Variants in SH3GLB2 observed in about 807,000 individuals in gnomAD.
SH3GLB2 encodes the protein endophilin-B2.
SH3GLB2 carries 24 observed loss-of-function variants against 48.0 expected under a neutral mutation model. The ratio of observed to expected loss-of-function variants is 0.50; its 90% CI spans 0.36 to 0.70. The LOEUF is 0.70. SH3GLB2 is among the 30% of genes least tolerant of loss of function. SH3GLB2 has a pLI of 0.00. For missense variants in SH3GLB2, 425 were observed against 516.0 expected (o/e 0.82, Z 1.71); for synonymous variants, 227 against 207.6 (o/e 1.09, Z -0.80).
intron 1 of SH3GLB2, 48 bp from the exon 2 acceptor site, chr9:129,022,471 G>T: frequency 5.3e-6 from 8 of 1,522,490 alleles, no homozygotes; most frequent in Non-Finnish European, 7.2e-6. Flanking sequence ...GAGCTCAGAA[G>T]GAGGTGGGGG....
chr9:129,009,152 T>C lies in SH3GLB2; in HGVS notation c.1034A>G (p.Asp345Gly). ...CTCACTGCTGTCGGCTGCCTCGTAG[T>C]CATAGAGCACCCGAGCTTTGCGGGT... ...SGTRKARVLY[D>G]YEAADSSELA... The change falls in exon 10 of 11, where the codon GAC becomes GGC. Residue 345 changes from aspartate to glycine, a missense_variant. Physicochemically the swap from Asp to Gly is moderately conservative, Grantham distance 94. Transcript: ENST00000372564. 6.2e-7 allele frequency: 1 copy of C among 1,611,608 alleles called. No individual in the cohort carries two copies. The highest frequency in any genetic ancestry group is 8.5e-7 in the Non-Finnish European group (1 of 1,179,762).
At chr9:129,010,562 A>T in intron 7 of SH3GLB2, 108 bp downstream of exon 7, 1 of 1,290,748 alleles carries the variant, frequency 7.7e-7, no homozygotes, top group Non-Finnish European at 1.1e-6. Flanking sequence ...ACCCCTCCCC[A>T]GTGGGTGTGG....
At chr9:129,013,956 C>T (rs77238870) in intron 5 of SH3GLB2, 7 of 455,936 alleles carry the variant, frequency 1.5e-5, no homozygotes, top group African/African-American at 1.4e-4. Context: ...TCGGACACGG[C>T]CCTGAGCAAG....
intron 3 of SH3GLB2, among the ~76,000 whole-genome samples, chr9:129,020,857 G>A (rs575626687): frequency 1.1e-3 from 163 of 148,316 alleles, no homozygotes; most frequent in Admixed American, 3.6e-3. Context: ...GCGACAGAGC[G>A]AGACTCCATC....
intron 5 of SH3GLB2, chr9:129,013,906 C>T: frequency 7.8e-6 from 3 of 386,168 alleles, no homozygotes; most frequent in Non-Finnish European, 1.6e-5. Flanking sequence ...GTGAAGGGGG[C>T]GCCAGATGGC....
At chr9:129,025,222 G>C (rs1844076348) in intron 1 of SH3GLB2, among the ~76,000 whole-genome samples, 1 of 144,548 alleles carries the variant, frequency 6.9e-6, no homozygotes, top group Non-Finnish European at 1.5e-5. Context: ...GCTGCAGTGA[G>C]CTGAGACTGC....
At chr9:129,026,558 G>A (rs1007272562) in intron 1 of SH3GLB2, among the ~76,000 whole-genome samples, 3 of 142,386 alleles carry the variant, frequency 2.1e-5, no homozygotes, top group African/African-American at 2.5e-5. Flanking sequence ...CTCCCACCCC[G>A]AGGCTGGGGC....
At chr9:129,023,988 C>T (rs1278898317) in intron 1 of SH3GLB2, among the ~76,000 whole-genome samples, 2 of 152,168 alleles carry the variant, frequency 1.3e-5, no homozygotes, top group Non-Finnish European at 2.9e-5. Context: ...AACCAAGGCT[C>T]GAAGAGGCAA....
In SH3GLB2 at chr9:129,008,375, C is replaced by G. The variant is rs1055643607; in HGVS notation, c.*309G>C. The G allele has an allele frequency of 1.2e-5, 4 of 343,216 alleles. No homozygotes were observed. The highest frequency in any genetic ancestry group is 1.7e-5 in the Non-Finnish European group (3 of 177,286). 21.3% of individuals were successfully genotyped at this position (343,216 alleles called of 1,614,324 possible). ...TGAGCCCATCTGCGGCGGCCCCACC[C>G]TGGCCTAGGTGCTGAGTGCAGCTGC... On this transcript the variant is annotated 3_prime_UTR_variant, in exon 11 of 11. Transcript: ENST00000372564.
At position 129,021,224 on chromosome 9, in the gene SH3GLB2, G is replaced by A; in HGVS notation, c.206-5C>T. The A allele has an allele frequency of 6.3e-7, 1 of 1,599,492 alleles. No homozygotes were observed. ...GGAACTCCTCCACTCGGGCACCTGTGGGGAGACAGCAGCCAAAGCCACAGG... is the reference window on the plus strand; with the variant it reads ...GGAACTCCTCCACTCGGGCACCTGTAGGGAGACAGCAGCCAAAGCCACAGG... On this transcript the variant is annotated splice_polypyrimidine_tract_variant and splice_region_variant and intron_variant, in intron 2 of 10. Transcript: ENST00000372564.
intron 5 of SH3GLB2, chr9:129,012,872 G>T: frequency 8.8e-7 from 1 of 1,140,448 alleles, no homozygotes; most frequent in Non-Finnish European, 1.3e-6. Flanking sequence ...CAGAGGCCCT[G>T]CACAGTAGAG....
At chr9:129,024,302 C>CT (rs1438876204) in intron 1 of SH3GLB2, among the ~76,000 whole-genome samples, 6 of 150,408 alleles carry the variant, frequency 4.0e-5, no homozygotes, top group African/African-American at 1.5e-4. Context: ...TGGCTTATGC[C>CT]TATAATCCCA....
chr9:129,009,576 C>G lies in SH3GLB2; in HGVS notation c.839+195G>C, dbSNP rs867501838. On this transcript the variant is annotated intron_variant, in intron 9 of 10. Transcript: ENST00000372564. ...ATTCCCTAGAAACCCTCAGGGGCTC[C>G]AGGGGACTTGGCCGTCAGTAAGGCC... 28 of 1,535,538 alleles carry G rather than the reference C, an allele frequency of 1.8e-5. No homozygotes were observed. In the African/African-American group the frequency reaches 2.6e-4, roughly 14 times the overall value.
rs1843056788 is a variant in SH3GLB2 at position 129,010,601 on chromosome 9, C to T, written c.648+69G>A. 1.9e-6 allele frequency: 3 copies of T among 1,567,222 alleles called. No individual in the cohort carries two copies. The African/African-American group carries it at 4.1e-5, about 21-fold the overall frequency. Reference sequence around the variant, plus strand: ...AGAGTGAGAAACAGATCAGACCCCACAGCAGCAAGTGTGCCTGCACCCCGC... The same window carrying T: ...AGAGTGAGAAACAGATCAGACCCCATAGCAGCAAGTGTGCCTGCACCCCGC... On this transcript the variant is annotated intron_variant, in intron 7 of 10. Transcript: ENST00000372564.
chr9:129,019,482 G>T (rs1843644921), intron 3 of SH3GLB2, among the ~76,000 whole-genome samples: 1 of 151,912 alleles, frequency 6.6e-6, no homozygotes, highest in South Asian at 2.1e-4. Flanking sequence ...GAGGCGGGTG[G>T]ATCACCGGAG....
chr9:129,028,137 C>T lies in SH3GLB2; in HGVS notation c.18G>A (p.Lys6=). 1 of 1,495,156 alleles carries T rather than the reference C, an allele frequency of 6.7e-7. No individual in the cohort carries two copies. The highest frequency in any genetic ancestry group is 8.9e-7 in the Non-Finnish European group (1 of 1,124,714). The allele number at this position is 1,495,156 out of a possible 1,614,324, so 92.6% of individuals were successfully genotyped here. A position where few individuals can be genotyped will look rare whatever the true frequency, so the allele number is the denominator to read the frequency against. The change falls in exon 1 of 11, where the codon AAG becomes AAA. Residue 6 remains lysine (K), a synonymous_variant. Transcript: ENST00000372564. ...AGATGCCCGCGTCCGACGCCAGCTTCTTCATGTTGAAGTCCATGGCGTGCC... is the reference window on the plus strand; with the variant it reads ...AGATGCCCGCGTCCGACGCCAGCTTTTTCATGTTGAAGTCCATGGCGTGCC... MDFNM[K]KLASDAGIFF...
In SH3GLB2 at chr9:129,009,863, G is replaced by A. The variant is rs1271682067; in HGVS notation, c.747C>T (p.His249=). Residue 249 remains histidine, a synonymous_variant, in exon 9 of 11, where the codon CAC becomes CAT. Transcript: ENST00000372564. ...LEGISSTHVN[H]LRCLHEFVKS... is the part of the protein sequence containing the mutation. ...TGACGAACTCGTGGAGGCAGCGCAG[G>A]TGGTTCACCTGCGGGGAAGAGGCCA... 6.2e-7 allele frequency: 1 copy of A among 1,613,716 alleles called. No homozygotes were observed. The highest frequency in any genetic ancestry group is 1.7e-5 in the Admixed American group (1 of 59,926).
intron 6 of SH3GLB2, 83 bp downstream of exon 6, chr9:129,012,153 A>G: frequency 6.4e-6 from 5 of 786,926 alleles, no homozygotes; most frequent in Non-Finnish European, 8.0e-6. Flanking sequence ...GCTGGCTTCT[A>G]GCTCCTGTGC....
chr9:129,016,109 A>C (rs1289191601), intron 3 of SH3GLB2, among the ~76,000 whole-genome samples: 2 of 151,452 alleles, frequency 1.3e-5, no homozygotes, highest in East Asian at 3.9e-4. Context: ...TTGGGAGGCT[A>C]AAGTGGGTGG....
Sources: allele counts gnomAD v4.1 joint callset (sites outside exome capture counted in the v4.1 genomes callset), GRCh38; gene constraint gnomAD v4.1.1; transcripts MANE v1.5; gene names NCBI Gene and HGNC (gene_info 2026-07-23, HGNC 2026-07-21).